Variants in CEP128 observed in about 807,000 individuals in gnomAD.
CEP128 encodes the protein centrosomal protein 128kDa.
CEP128 carries 132 observed loss-of-function variants against 156.7 expected under a neutral mutation model. The ratio of observed to expected loss-of-function variants is 0.84; its 90% CI spans 0.73 to 0.97. The LOEUF (loss-of-function observed/expected upper bound fraction) is 0.97. Among genes scored for constraint, CEP128 ranks in the 50% least tolerant of loss-of-function variants. The probability of loss-of-function intolerance (pLI) is 0.00; values close to 1 mark genes in which losing one functional copy is unlikely to be tolerated. For synonymous variants in CEP128, 469 were observed against 448.9 expected, an observed-to-expected ratio of 1.04 and a Z score of -0.57; for missense variants, 1,252 against 1,281.9, an observed-to-expected ratio of 0.98 and a Z score of 0.36.
intron 13 of CEP128, among the ~76,000 whole-genome samples, chr14:80,799,104 G>A (rs1883671263): frequency 1.3e-5 from 2 of 152,160 alleles, no homozygotes; most frequent in South Asian, 4.1e-4. Flanking sequence ...AGTCACTCAG[G>A]CTTGTGTTCA....
chr14:80,806,745 T>C (rs1884198594), intron 13 of CEP128, among the ~76,000 whole-genome samples: 1 of 152,132 alleles, frequency 6.6e-6, no homozygotes, highest in Non-Finnish European at 1.5e-5. Flanking sequence ...TACACCTATA[T>C]CTCACCAATA....
intron 8 of CEP128, among the ~76,000 whole-genome samples, chr14:80,875,222 G>C (rs1489692808): frequency 6.6e-6 from 1 of 152,144 alleles, no homozygotes; most frequent in African/African-American, 2.4e-5. Context: ...CAAGTAGTAA[G>C]GGTGAACCAG....
At chr14:80,493,736 C>T (rs912808648), downstream of CEP128, among the ~76,000 whole-genome samples, 1 of 152,248 alleles carries the variant, frequency 6.6e-6, no homozygotes, top group Non-Finnish European at 1.5e-5. Context: ...CTTCAGCGGT[C>T]AACAATAGGG....
rs377500391 is a variant in CEP128 at position 80,855,238 on chromosome 14, T to C, written c.762+7519A>G. 2.0e-5 allele frequency among the ~76,000 whole-genome samples: 3 copies of C among 152,218 alleles called. No individual in the cohort carries two copies. In the East Asian group the frequency reaches 5.8e-4, roughly 29 times the overall value. On this transcript the variant is annotated intron_variant, in intron 9 of 24. Coordinates refer to ENST00000555265, the MANE Select transcript of CEP128 (RefSeq NM_152446.5). ...CTCTGACACCCTGCCTGTGTTACTC[T>C]CTGCTTACCGAACCCCATGGGGCTC...
rs556271270 is a variant in CEP128 at position 80,793,138 on chromosome 14, G to C, written c.1210-28C>G. On this transcript the variant is annotated intron_variant, in intron 13 of 24. Transcript: ENST00000555265. ...ACGAATAAAGCATGCAAAACATTAG[G>C]AACAAATCCTTGTCAAAATTGGATG... 2.6e-6 allele frequency: 4 copies of C among 1,555,790 alleles called. No individual in the cohort carries two copies. In the Admixed American group the frequency reaches 7.0e-5, roughly 27 times the overall value.
chr14:80,536,244 A>T (rs1453751073), intron 21 of CEP128, among the ~76,000 whole-genome samples: 1 of 152,214 alleles, frequency 6.6e-6, no homozygotes, highest in East Asian at 1.9e-4. Context: ...TAAGGAACAG[A>T]TTTAACCATA....
At chr14:80,538,353 A>G (rs2140300874) in intron 21 of CEP128, among the ~76,000 whole-genome samples, 1 of 152,356 alleles carries the variant, frequency 6.6e-6, no homozygotes, top group East Asian at 1.9e-4. Context: ...AAGATGTTAA[A>G]GTAATAGAAG....
rs75494865 is a variant in CEP128, at chr14:80,710,953, C to T, written c.2806+32122G>A. Among the ~76,000 whole-genome samples, 591 of 152,242 alleles carry T rather than the reference C, an allele frequency of 3.9e-3. 3 individuals are homozygous for T. Among genetic ancestry groups the T allele is most frequent in the African/African-American group, 0.014 (565 of 41,566 alleles). ...TATCGTCTGAAATCATTAACTTGCACACTCTGGAACATTAAAGTAAATCTT... is the reference window on the plus strand; with the variant it reads ...TATCGTCTGAAATCATTAACTTGCATACTCTGGAACATTAAAGTAAATCTT... On this transcript the variant is annotated intron_variant, in intron 19 of 24. Transcript: ENST00000555265.
chr14:80,786,786 G>C (rs1037194074), intron 14 of CEP128, among the ~76,000 whole-genome samples: 1 of 152,142 alleles, frequency 6.6e-6, no homozygotes, highest in South Asian at 2.1e-4. Context: ...TAGGGTCTCA[G>C]GGAGGTGTTT....
At chr14:80,950,876 G>C (rs1886449547) in intron 2 of CEP128, among the ~76,000 whole-genome samples, 1 of 135,196 alleles carries the variant, frequency 7.4e-6, no homozygotes, top group Non-Finnish European at 1.5e-5. Context: ...CTCTCAACAA[G>C]TGACAAAATC....
intron 4 of CEP128, among the ~76,000 whole-genome samples, chr14:80,909,212 T>G (rs1884064630): frequency 6.6e-6 from 1 of 152,006 alleles, no homozygotes; most frequent in South Asian, 2.1e-4. Flanking sequence ...TATTTTTTAC[T>G]TTTTTTTCAT....
chr14:80,643,016 AG>A (rs768596092), intron 19 of CEP128, among the ~76,000 whole-genome samples: 64 of 152,184 alleles, frequency 4.2e-4, no homozygotes, highest in Non-Finnish European at 7.2e-4. Context: ...AGCCTCCCAA[AG>A]TGCTGGGATT....
At chr14:80,828,426 C>T (rs1885604839) in intron 13 of CEP128, among the ~76,000 whole-genome samples, 1 of 151,882 alleles carries the variant, frequency 6.6e-6, no homozygotes, top group Non-Finnish European at 1.5e-5. Context: ...CCTGGCCCCA[C>T]TTTGAAATTT....
chr14:80,500,327 A>G (rs1219428371), intron 24 of CEP128, among the ~76,000 whole-genome samples: 1 of 152,170 alleles, frequency 6.6e-6, no homozygotes, highest in Non-Finnish European at 1.5e-5. Flanking sequence ...CTCAGTACAA[A>G]TTCTGACTAG....
At chr14:80,822,408 A>T in intron 13 of CEP128, 1 of 421,658 alleles carries the variant, frequency 2.4e-6, no homozygotes. Context: ...AGGGAAGTCA[A>T]ATCTTAACAC....
At chr14:80,831,657 T>A (rs1885807590) in intron 12 of CEP128, among the ~76,000 whole-genome samples, 1 of 151,690 alleles carries the variant, frequency 6.6e-6, no homozygotes, top group Admixed American at 6.6e-5. Context: ...AGCTACTTCA[T>A]CTACAAAATA....
At chr14:80,925,607 T>C (rs1370861251) in intron 2 of CEP128, among the ~76,000 whole-genome samples, 2 of 152,050 alleles carry the variant, frequency 1.3e-5, no homozygotes, top group East Asian at 3.9e-4. Flanking sequence ...GTTTTTTTTT[T>C]CTCCAAGATA....
chr14:80,802,531 G>A (rs1276104137), intron 13 of CEP128, among the ~76,000 whole-genome samples: 1 of 145,668 alleles, frequency 6.9e-6, no homozygotes, highest in Admixed American at 6.9e-5. Context: ...ACACCAGGGG[G>A]GCCTGTTGGG....
intron 8 of CEP128, among the ~76,000 whole-genome samples, chr14:80,871,219 ATAAT>A (rs1888012021): frequency 6.6e-6 from 1 of 152,100 alleles, no homozygotes; most frequent in African/African-American, 2.4e-5. Context: ...ACCTGGAGGA[ATAAT>A]TAAACATAAT....
Sources: allele counts gnomAD v4.1 joint callset (sites outside exome capture counted in the v4.1 genomes callset), GRCh38; gene constraint gnomAD v4.1.1; transcripts MANE v1.5; gene names NCBI Gene and HGNC (gene_info 2026-07-23, HGNC 2026-07-21).